GSE1: variants seen among roughly 807,000 people sequenced by gnomAD.
The protein encoded by GSE1 is genetic suppressor element 1.
Under a neutral mutation model 112.6 loss-of-function variants are expected in GSE1, and 32 were observed. The ratio of observed to expected loss-of-function variants is 0.28; its 90% CI spans 0.21 to 0.38. The LOEUF is 0.38. Among genes scored for constraint, GSE1 ranks in the 10% least tolerant of loss-of-function variants. GSE1 has a pLI of 1.00. For synonymous variants in GSE1, 1,115 were observed against 735.6 expected, an observed-to-expected ratio of 1.52 and a Z score of -8.35; for missense variants, 2,348 against 1,699.2, an observed-to-expected ratio of 1.38 and a Z score of -6.71.
At chr16:85,667,441 G>C (rs1598704762) in intron 13 of GSE1, among the ~76,000 whole-genome samples, 1 of 152,188 alleles carries the variant, frequency 6.6e-6, no homozygotes, top group South Asian at 2.1e-4. Context: ...TCTTGAAACG[G>C]GGCACAATGA....
chr16:85,552,000 G>A (rs957523660), upstream of GSE1, among the ~76,000 whole-genome samples: 7 of 151,938 alleles, frequency 4.6e-5, no homozygotes, highest in African/African-American at 1.5e-4. Context: ...CCCCTGCTTC[G>A]CCTCCGTGCA....
chr16:85,391,807 C>G (rs897133117), intron 2 of GSE1, among the ~76,000 whole-genome samples: 1 of 152,164 alleles, frequency 6.6e-6, no homozygotes, highest in Non-Finnish European at 1.5e-5. Context: ...TGGCATGTCC[C>G]CCACCAATCT....
intron 1 of GSE1, among the ~76,000 whole-genome samples, chr16:85,561,792 G>C (rs1044361865): frequency 1.3e-5 from 2 of 152,222 alleles, no homozygotes; most frequent in Admixed American, 1.3e-4. Context: ...CCCCTGCTGA[G>C]AGCTGGGGTA....
intron 1 of GSE1, among the ~76,000 whole-genome samples, chr16:85,250,456 G>A (rs1235152108): frequency 6.6e-6 from 1 of 152,082 alleles, no homozygotes; most frequent in Admixed American, 6.5e-5. Context: ...TGGGGGCGGA[G>A]GCGCCAGGGC....
At chr16:85,422,062 G>A (rs985486949) in intron 2 of GSE1, among the ~76,000 whole-genome samples, 2 of 152,090 alleles carry the variant, frequency 1.3e-5, no homozygotes, top group African/African-American at 2.4e-5. Flanking sequence ...TACAGGAACA[G>A]CCCAGCATGG....
At chr16:85,274,300 G>T (rs1229958151) in intron 1 of GSE1, among the ~76,000 whole-genome samples, 1 of 152,036 alleles carries the variant, frequency 6.6e-6, no homozygotes, top group Non-Finnish European at 1.5e-5. Flanking sequence ...CAGGAGAATC[G>T]CTTGAACCTG....
At chr16:85,203,092 A>G (rs2075057949) in intron 1 of GSE1, among the ~76,000 whole-genome samples, 1 of 151,452 alleles carries the variant, frequency 6.6e-6, no homozygotes, top group South Asian at 2.1e-4. Context: ...ATTTCTCCTG[A>G]GATGCTCACT....
chr16:85,394,371 G>A (rs2047919314), intron 2 of GSE1, among the ~76,000 whole-genome samples: 1 of 152,238 alleles, frequency 6.6e-6, no homozygotes, highest in South Asian at 2.1e-4. Context: ...TTTGATGGGT[G>A]TAGAGGGAGA....
At chr16:85,655,973 C>T in intron 6 of GSE1, 56 bp downstream of exon 6, 2 of 1,411,380 alleles carry the variant, frequency 1.4e-6, no homozygotes, top group Non-Finnish European at 9.7e-7. Flanking sequence ...TTGATGGCAG[C>T]TGGGCAGAAA....
chr16:85,450,554 A>G lies in GSE1; in HGVS notation c.2464+92911A>G, dbSNP rs143562792. On this transcript the variant is annotated intron_variant, in intron 2 of 2. Coordinates refer to the GSE1 transcript ENST00000637419. The stretch of plus-strand genomic sequence containing the variant: ...AGACTTCACTCCCCAGGTTCAAGCA[A>G]TTCTCTGCCTCAGCCTCCCAAGTAG... Among the ~76,000 whole-genome samples, 346 of 149,966 alleles carry G rather than the reference A, an allele frequency of 2.3e-3. 1 individual carries two copies. Among genetic ancestry groups the G allele is most frequent in the Non-Finnish European group, 3.9e-3 (266 of 67,496 alleles).
chr16:85,222,310 G>C (rs899083472), intron 1 of GSE1, among the ~76,000 whole-genome samples: 5 of 152,210 alleles, frequency 3.3e-5, no homozygotes. Flanking sequence ...GCTGGGGCCA[G>C]CGCACGGCTC....
chr16:85,548,509 A>G (rs952181092), intron 2 of GSE1, among the ~76,000 whole-genome samples: 3 of 152,136 alleles, frequency 2.0e-5, no homozygotes, highest in African/African-American at 4.8e-5. Flanking sequence ...TTGCCTTTCT[A>G]TGTCTGGCCT....
chr16:85,654,539 C>T lies in GSE1; in HGVS notation c.599+89C>T, dbSNP rs1390317804. The T allele has an allele frequency of 6.9e-6, 8 of 1,155,086 alleles. No homozygotes were observed. In the South Asian group the frequency reaches 8.7e-5, roughly 13 times the overall value. The allele number at this position is 1,155,086 out of a possible 1,614,324, so 71.6% of individuals were successfully genotyped here. On this transcript the variant is annotated intron_variant, in intron 4 of 15. Coordinates refer to ENST00000253458, the MANE Select transcript of GSE1 (RefSeq NM_014615.5). Reference sequence around the variant, plus strand: ...GTCCCCAGGCAGCCTGCGGTCTGCACAGATGAGGCTGTGCCTGCTAGATGG... The same window carrying T: ...GTCCCCAGGCAGCCTGCGGTCTGCATAGATGAGGCTGTGCCTGCTAGATGG...
intron 2 of GSE1, among the ~76,000 whole-genome samples, chr16:85,480,414 C>A (rs528008499): frequency 2.0e-5 from 3 of 152,258 alleles, no homozygotes; most frequent in South Asian, 4.1e-4. Flanking sequence ...CTCCACCCCC[C>A]TCTGCCTGCT....
rs1388278885 is a variant in GSE1 at position 85,311,452 on chromosome 16, G to T, written c.2284-46011G>T. Among the ~76,000 whole-genome samples the T allele has an allele frequency of 6.6e-6, 1 of 152,154 alleles. No homozygotes were observed. The highest frequency in any genetic ancestry group is 1.5e-5 in the Non-Finnish European group (1 of 68,002). On this transcript the variant is annotated intron_variant, in intron 1 of 2. Coordinates refer to the GSE1 transcript ENST00000637419. This position sits in a 1 kb window ranked among gnomAD's most constrained non-coding sequence, Gnocchi z 4.2. ...TCGTGGCACCACAAGAGAGCTGCTG[G>T]GGACAGGACGTGGGCGGAGCCCTCG...
chr16:85,660,078 G>C (rs2151951752), intron 8 of GSE1, among the ~76,000 whole-genome samples: 1 of 152,374 alleles, frequency 6.6e-6, no homozygotes, highest in East Asian at 1.9e-4. Context: ...CCCTGTGAAG[G>C]TGGCCAGCCT....
chr16:85,375,765 G>A (rs888731789), intron 2 of GSE1, among the ~76,000 whole-genome samples: 2 of 152,308 alleles, frequency 1.3e-5, no homozygotes, highest in East Asian at 1.9e-4. Context: ...GGGCAGCTCC[G>A]TAGCCACACT....
At chr16:85,669,202 C>T (rs537862770) in intron 14 of GSE1, among the ~76,000 whole-genome samples, 4 of 152,364 alleles carry the variant, frequency 2.6e-5, no homozygotes, top group Non-Finnish European at 4.4e-5. Flanking sequence ...CTTCATTTTG[C>T]ACTCACCATC....
chr16:85,384,922 C>T (rs950209803), intron 2 of GSE1, among the ~76,000 whole-genome samples: 2 of 152,248 alleles, frequency 1.3e-5, no homozygotes, highest in Non-Finnish European at 1.5e-5. Flanking sequence ...GTAGGAGATC[C>T]GGCCTTGCAT....
Sources: allele counts gnomAD v4.1 joint callset (sites outside exome capture counted in the v4.1 genomes callset), GRCh38; gene constraint gnomAD v4.1.1; non-coding constraint Gnocchi (gnomAD v3.1); transcripts MANE v1.5; gene names NCBI Gene and HGNC (gene_info 2026-07-23, HGNC 2026-07-21).